The following HSD17B3 variants were observed in gnomAD, a reference collection of about 807,000 sequenced individuals.
The protein encoded by HSD17B3 is 17-beta-hydroxysteroid dehydrogenase type 3.
In HSD17B3, 29 loss-of-function variants were observed where a neutral mutation model predicts 41.1. The observed-to-expected ratio is 0.71, with a 90% confidence interval of 0.53 to 0.96. The LOEUF is 0.96. Among genes scored for constraint, HSD17B3 ranks in the 40% least tolerant of loss-of-function variants. HSD17B3 has a pLI of 0.00. For missense variants in HSD17B3, 323 were observed against 374.6 expected (o/e 0.86, Z 1.14); for synonymous variants, 126 against 145.6 (o/e 0.87, Z 0.97).
chr9:96,252,964 C>A (rs965400006), intron 3 of HSD17B3, 54 bp from the exon 4 acceptor site: 2 of 1,112,070 alleles, frequency 1.8e-6, no homozygotes, highest in Non-Finnish European at 1.4e-6. Context: ...TGCCCCCTCG[C>A]CCATGAAGTT....
intron 6 of HSD17B3, among the ~76,000 whole-genome samples, chr9:96,248,884 A>T (rs1413571239): frequency 6.6e-6 from 1 of 151,934 alleles, no homozygotes; most frequent in East Asian, 1.9e-4. Context: ...AATGGTGCCT[A>T]AGACATCTCT....
intron 9 of HSD17B3, 110 bp from the exon 10 acceptor site, chr9:96,241,017 A>C (rs1385207656): frequency 7.6e-7 from 1 of 1,310,052 alleles, no homozygotes; most frequent in East Asian, 2.3e-5. Context: ...TTCTCTTCCT[A>C]GGCAAAGTTT....
chr9:96,266,256 GACA>G (rs546360285), intron 2 of HSD17B3, among the ~76,000 whole-genome samples: 42 of 152,244 alleles, frequency 2.8e-4, no homozygotes, highest in Admixed American at 1.0e-3. Context: ...TGGGGAAGAT[GACA>G]ACAAGAGACA....
In HSD17B3 at chr9:96,298,529, C is replaced by T. The variant is rs978385823; in HGVS notation, c.155-67G>A. Reference sequence around the variant, plus strand: ...TTAAACTTCTCTTTCTCACTGGCCACGTTTTCTCACAAGCCTAGTCTCCAG... The same window carrying T: ...TTAAACTTCTCTTTCTCACTGGCCATGTTTTCTCACAAGCCTAGTCTCCAG... On this transcript the variant is annotated intron_variant, in intron 1 of 10. Coordinates refer to ENST00000375263, the MANE Select transcript of HSD17B3 (RefSeq NM_000197.2). 41 of 1,360,292 alleles carry T rather than the reference C, an allele frequency of 3.0e-5. No individual in the cohort carries two copies. In the Admixed American group the frequency reaches 4.4e-4, roughly 14 times the overall value. 84.3% of individuals were successfully genotyped at this position (1,360,292 alleles called of 1,614,324 possible). A position where few individuals can be genotyped will look rare whatever the true frequency, so the allele number is the denominator to read the frequency against.
rs1005044038 is a variant in HSD17B3, at chr9:96,238,951, A to C, written c.822+1807T>G. Among the ~76,000 whole-genome samples the C allele has an allele frequency of 2.0e-5, 3 of 152,236 alleles. No homozygotes were observed. The East Asian group carries it at 5.8e-4, about 29-fold the overall frequency. On this transcript the variant is annotated intron_variant, in intron 10 of 10. Transcript: ENST00000375263. ...AGATTTGGTTTTTCCAGCTTCCTTC[A>C]GGTCCACGTTGGTGCTGATGTAGAG...
intron 2 of HSD17B3, among the ~76,000 whole-genome samples, chr9:96,261,629 C>T (rs918609384): frequency 2.6e-5 from 4 of 152,322 alleles, no homozygotes; most frequent in Middle Eastern, 3.4e-3. Flanking sequence ...GAGCAGTGAG[C>T]GGCACCTCCA....
intron 2 of HSD17B3, among the ~76,000 whole-genome samples, chr9:96,269,978 G>A (rs1826180305): frequency 6.8e-6 from 1 of 146,924 alleles, no homozygotes; most frequent in Non-Finnish European, 1.5e-5. Flanking sequence ...TGCAAAACAA[G>A]CAATAAAACC....
intron 6 of HSD17B3, among the ~76,000 whole-genome samples, chr9:96,248,637 A>G (rs892618821): frequency 6.6e-6 from 1 of 152,190 alleles, no homozygotes; most frequent in Admixed American, 6.5e-5. Flanking sequence ...GCAGGTGGGA[A>G]GCTCAGAGCT....
At chr9:96,286,415 A>G (rs1273087940) in intron 2 of HSD17B3, among the ~76,000 whole-genome samples, 2 of 151,796 alleles carry the variant, frequency 1.3e-5, no homozygotes, top group East Asian at 3.9e-4. Flanking sequence ...CTGGCTGGGC[A>G]TAGTGGCCCA....
intron 2 of HSD17B3, among the ~76,000 whole-genome samples, chr9:96,267,802 G>C (rs992091272): frequency 2.0e-5 from 3 of 152,068 alleles, no homozygotes; most frequent in Non-Finnish European, 4.4e-5. Context: ...TGAGTGACAG[G>C]AGATCCAGAA....
At chr9:96,258,851 A>C (rs1825759596) in intron 2 of HSD17B3, among the ~76,000 whole-genome samples, 2 of 152,198 alleles carry the variant, frequency 1.3e-5, no homozygotes, top group Non-Finnish European at 2.9e-5. Flanking sequence ...TGTGTTAATT[A>C]GGGTAACATT....
At chr9:96,242,001 G>GA (rs781225527) in intron 9 of HSD17B3, among the ~76,000 whole-genome samples, 1 of 130,554 alleles carries the variant, frequency 7.7e-6, no homozygotes, top group Admixed American at 7.6e-5. Context: ...AAGAAAGAAA[G>GA]AAAGAGAAAG....
chr9:96,281,702 G>A (rs973546721), intron 2 of HSD17B3, among the ~76,000 whole-genome samples: 3 of 152,158 alleles, frequency 2.0e-5, no homozygotes, highest in African/African-American at 7.2e-5. Flanking sequence ...TGGTACACGG[G>A]GAACTTTTTC....
chr9:96,246,337 T>C, intron 7 of HSD17B3: 1 of 620,822 alleles, frequency 1.6e-6, no homozygotes, highest in East Asian at 2.7e-5. Context: ...CCCTCCAATG[T>C]GTGTTACGTT....
chr9:96,250,534 G>T (rs1028121475), intron 5 of HSD17B3: 107 of 966,720 alleles, frequency 1.1e-4, no homozygotes, highest in Non-Finnish European at 1.3e-4. Flanking sequence ...GATTGGTGTA[G>T]CCCTAATGAC....
At chr9:96,271,223 C>G (rs185137961) in intron 2 of HSD17B3, among the ~76,000 whole-genome samples, 2 of 152,258 alleles carry the variant, frequency 1.3e-5, no homozygotes, top group African/African-American at 4.8e-5. Flanking sequence ...TAAACAGAAT[C>G]AAGCCCATCT....
chr9:96,254,831 C>G, intron 3 of HSD17B3, 37 bp downstream of exon 3: 1 of 1,568,550 alleles, frequency 6.4e-7, no homozygotes, highest in Non-Finnish European at 8.8e-7. Flanking sequence ...GGTTGGAGGG[C>G]TCCACACACA....
intron 2 of HSD17B3, among the ~76,000 whole-genome samples, chr9:96,288,665 G>A (rs1044525444): frequency 6.6e-6 from 1 of 152,064 alleles, no homozygotes; most frequent in African/African-American, 2.4e-5. Flanking sequence ...GGCCAGGCTC[G>A]GTGGCTCATG....
At chr9:96,237,258 T>C (rs1836270868) in intron 10 of HSD17B3, among the ~76,000 whole-genome samples, 2 of 152,310 alleles carry the variant, frequency 1.3e-5, no homozygotes, top group South Asian at 4.2e-4. Context: ...AGAGTCCCTC[T>C]TCCATCTCCA....
Sources: gnomAD v4.1 joint callset for allele counts (sites outside exome capture counted in the v4.1 genomes callset) on GRCh38, gnomAD v4.1.1 for gene constraint, MANE v1.5 for transcripts, NCBI Gene and HGNC (gene_info 2026-07-23, HGNC 2026-07-21) for gene names.